The following CALCOCO2 variants were observed in gnomAD, a reference collection of about 807,000 sequenced individuals.
The protein encoded by CALCOCO2 is calcium-binding and coiled-coil domain-containing protein 2.
Under a neutral mutation model 62.5 loss-of-function variants are expected in CALCOCO2, and 42 were observed. That is an observed-to-expected ratio of 0.67 (90% confidence interval 0.53 to 0.87). CALCOCO2 has a LOEUF of 0.87. Among genes scored for constraint, CALCOCO2 ranks in the 40% least tolerant of loss-of-function variants. The pLI, the probability that CALCOCO2 is intolerant of heterozygous loss-of-function variation, is 0.00. For synonymous variants in CALCOCO2, 167 were observed against 173.0 expected (o/e 0.97, Z 0.27); for missense variants, 456 against 515.0 (o/e 0.89, Z 1.11).
At chr17:48,862,739 C>G in intron 12 of CALCOCO2, 99 bp from the exon 13 acceptor site, 1 of 922,132 alleles carries the variant, frequency 1.1e-6, no homozygotes, top group South Asian at 1.4e-5. Flanking sequence ...ATGTGCCAGT[C>G]ATTATGCTAG....
chr17:48,837,664 A>T (rs1342568277), intron 1 of CALCOCO2, among the ~76,000 whole-genome samples: 1 of 152,126 alleles, frequency 6.6e-6, no homozygotes, highest in African/African-American at 2.4e-5. Context: ...AAATGGAAAG[A>T]AAAACTTTTG....
intron 2 of CALCOCO2, 43 bp from the exon 3 acceptor site, chr17:48,848,021 A>G (rs1463499466): frequency 9.2e-7 from 1 of 1,092,182 alleles, no homozygotes; most frequent in Non-Finnish European, 1.4e-6. Flanking sequence ...GATTTTCCCC[A>G]GTCCCCTTTC....
In CALCOCO2 at chr17:48,858,000, AAT is replaced by A. The variant is rs1567759109; in HGVS notation, c.1008+1815_1008+1816del. 1.3e-4 allele frequency among the ~76,000 whole-genome samples: 3 copies of A among 22,318 alleles called. No individual in the cohort carries two copies. In the South Asian group the frequency reaches 0.011, roughly 85 times the overall value. 14.6% of individuals were successfully genotyped at this position (22,318 alleles called of 152,430 possible). A position where few individuals can be genotyped will look rare whatever the true frequency, so the allele number is the denominator to read the frequency against. On this transcript the variant is annotated intron_variant, in intron 10 of 12. Coordinates refer to ENST00000258947, the MANE Select transcript of CALCOCO2 (RefSeq NM_005831.5). Reference sequence around the variant, plus strand: ...AATAGAATAGAATAGAATAGAATAGAATAGAATAGAATAGAATAGAATAGAAT... The same window carrying A: ...AATAGAATAGAATAGAATAGAATAGAAGAATAGAATAGAATAGAATAGAAT...
At chr17:48,851,237 T>TTAATATTTGAAATCAGATCATTTTTCCTG in intron 6 of CALCOCO2, 60 bp downstream of exon 6, 1 of 916,200 alleles carries the variant, frequency 1.1e-6, no homozygotes, top group Non-Finnish European at 1.8e-6. Flanking sequence ...TACCCTTAAG[T>TTAATATTTGAAATCAGATCATTTTTCCTG]ACAGTCAGAT....
rs377343129 is a variant in CALCOCO2, at chr17:48,860,406, C to G, written c.1101C>G (p.Gly367=). The change falls in exon 11 of 13, where the codon GGC becomes GGG. Residue 367 remains glycine, a synonymous_variant. Transcript: ENST00000258947. ...PYQVPTSDEG[G]ARQNPGLAYG... is the part of the protein sequence containing the mutation. ...AAGTACCTACTTCAGATGAAGGAGG[C>G]GCAAGACAAAATCCAGGACTTGCCT... 1.2e-6 allele frequency: 2 copies of G among 1,613,576 alleles called. No individual in the cohort carries two copies. The highest frequency in any genetic ancestry group is 8.5e-7 in the Non-Finnish European group (1 of 1,179,640).
chr17:48,851,097 A>T lies in CALCOCO2; in HGVS notation c.552A>T (p.Leu184=). The stretch of plus-strand genomic sequence containing the variant: ...GTTGTTTCAATCTATAGGAGGAGCT[A>T]GAAACCCTACAGAGCATCAATAAGA... ...QAELQKKQEE[L]ETLQSINKKL... The change falls in exon 6 of 13, where the codon CTA becomes CTT. Residue 184 remains leucine, a synonymous_variant. Coordinates refer to ENST00000258947, the MANE Select transcript of CALCOCO2 (RefSeq NM_005831.5). 1 of 1,592,078 alleles carries T rather than the reference A, an allele frequency of 6.3e-7. No individual in the cohort carries two copies. The highest frequency in any genetic ancestry group is 8.6e-7 in the Non-Finnish European group (1 of 1,159,920).
chr17:48,851,690 G>A (rs2040132094), intron 7 of CALCOCO2, 62 bp downstream of exon 7: 1 of 960,526 alleles, frequency 1.0e-6, no homozygotes, highest in Non-Finnish European at 1.7e-6. Context: ...CTCCAATTTG[G>A]TGGCCTAGAA....
intron 10 of CALCOCO2, among the ~76,000 whole-genome samples, chr17:48,857,032 G>C (rs2040226532): frequency 6.6e-6 from 1 of 151,692 alleles, no homozygotes. Flanking sequence ...AAACTCCTGG[G>C]CTCAAGCAAT....
At chr17:48,840,242 A>T (rs576135953) in intron 1 of CALCOCO2, among the ~76,000 whole-genome samples, 2 of 151,632 alleles carry the variant, frequency 1.3e-5, no homozygotes, top group African/African-American at 4.8e-5. Flanking sequence ...CCATCTTCCC[A>T]TCTCAGCTTC....
At chr17:48,857,991 A>G (rs1243867839) in intron 10 of CALCOCO2, among the ~76,000 whole-genome samples, 2 of 18,786 alleles carry the variant, frequency 1.1e-4, no homozygotes, top group Non-Finnish European at 2.7e-4. Flanking sequence ...ATAGAATAGA[A>G]TAGAATAGAA....
Position 48,833,895 on chromosome 17 carries a change from G to A in CALCOCO2, c.-11+2817G>A, listed in dbSNP as rs148324472. 5.6e-3 allele frequency among the ~76,000 whole-genome samples: 852 copies of A among 152,112 alleles called. 6 individuals are homozygous for A. The highest frequency in any genetic ancestry group is 0.02 in the African/African-American group (819 of 41,484). ...TGTAATCCCAGCACTTTGGGAGGCC[G>A]AGGCAGATGGATCGCCTGAGTCCAG... On this transcript the variant is annotated intron_variant, in intron 1 of 12. Transcript: ENST00000258947.
chr17:48,851,115 C>A lies in CALCOCO2; in HGVS notation c.570C>A (p.Ile190=). The change falls in exon 6 of 13, where the codon ATC becomes ATA. Residue 190 remains isoleucine (I), a synonymous_variant. Coordinates refer to ENST00000258947, the MANE Select transcript of CALCOCO2 (RefSeq NM_005831.5). ...AGGAGCTAGAAACCCTACAGAGCAT[C>A]AATAAGAAGTTGGAACTGAAAGTGA... The part of the protein sequence containing the change: ...KQEELETLQS[I]NKKLELKVKE... 6.2e-7 allele frequency: 1 copy of A among 1,608,242 alleles called. No individual in the cohort carries two copies. Among genetic ancestry groups the A allele is most frequent in the South Asian group, 1.1e-5 (1 of 90,948 alleles).
At position 48,858,046 on chromosome 17, in the gene CALCOCO2, A is replaced by AATAGAATAGAATAGAATAGAATAGAATAG. The variant is rs1555573800; in HGVS notation, c.1008+1860_1008+1861insTAGAATAGAATAGAATAGAATAGAATAGA. 3.4e-3 allele frequency among the ~76,000 whole-genome samples: 138 copies of AATAGAATAGAATAGAATAGAATAGAATAG among 40,054 alleles called. 23 individuals are homozygous for AATAGAATAGAATAGAATAGAATAGAATAG. The highest frequency in any genetic ancestry group is 0.024 in the Middle Eastern group (2 of 82). 26.3% of individuals were successfully genotyped at this position (40,054 alleles called of 152,430 possible). On this transcript the variant is annotated intron_variant, in intron 10 of 12. Transcript: ENST00000258947. Reference sequence around the variant, plus strand: ...ATAGAATAGAATAGAATAGAATAGAAAATAGAATAGAATAGAATAGAATAG... The same window carrying AATAGAATAGAATAGAATAGAATAGAATAG: ...ATAGAATAGAATAGAATAGAATAGAAATAGAATAGAATAGAATAGAATAGAATAGAATAGAATAGAATAGAATAGAATAG...
At chr17:48,853,627 A>T (rs775383342) in intron 9 of CALCOCO2, among the ~76,000 whole-genome samples, 8 of 152,234 alleles carry the variant, frequency 5.3e-5, no homozygotes, top group Non-Finnish European at 1.0e-4. Flanking sequence ...ACCATTGAGT[A>T]CCTACTGTAT....
In CALCOCO2 at chr17:48,863,612, A is replaced by G. The variant is rs1404123270; in HGVS notation, c.*607A>G. The G allele has an allele frequency of 1.3e-5, 2 of 154,512 alleles. No individual in the cohort carries two copies. The highest frequency in any genetic ancestry group is 4.8e-5 in the African/African-American group (2 of 41,456). The allele number at this position is 154,512 out of a possible 1,614,324, so 9.6% of individuals were successfully genotyped here. A position where few individuals can be genotyped will look rare whatever the true frequency, so the allele number is the denominator to read the frequency against. ...TTAGACAGGAAGTATTGTTTCAGTC[A>G]CAGAAAGCTTTTCTGGGTACCTCTG... On this transcript the variant is annotated 3_prime_UTR_variant, in exon 13 of 13. Transcript: ENST00000258947.
At chr17:48,857,999 G>GAATAC (rs1393205818) in intron 10 of CALCOCO2, among the ~76,000 whole-genome samples, 1 of 19,794 alleles carries the variant, frequency 5.1e-5, no homozygotes, top group South Asian at 4.2e-3. Context: ...GAATAGAATA[G>GAATAC]AATAGAATAG....
rs146520211 is a variant in CALCOCO2, at chr17:48,851,677, C to A, written c.702+49C>A. On this transcript the variant is annotated intron_variant, in intron 7 of 12. Transcript: ENST00000258947. Reference sequence around the variant, plus strand: ...AAAGGATATTTTCTTAGCCTTACCACTGCTCCAATTTGGTGGCCTAGAAAG... The same window carrying A: ...AAAGGATATTTTCTTAGCCTTACCAATGCTCCAATTTGGTGGCCTAGAAAG... 6,868 of 1,071,412 alleles carry A rather than the reference C, an allele frequency of 6.4e-3. 301 individuals are homozygous for A. In the Admixed American group the frequency reaches 0.087, roughly 14 times the overall value. 66.4% of individuals were successfully genotyped at this position (1,071,412 alleles called of 1,614,324 possible).
chr17:48,863,045 A>C lies in CALCOCO2; in HGVS notation c.*40A>C. 1 of 1,395,872 alleles carries C rather than the reference A, an allele frequency of 7.2e-7. No homozygotes were observed. The highest frequency in any genetic ancestry group is 1.0e-6 in the Non-Finnish European group (1 of 981,290). 86.5% of individuals were successfully genotyped at this position (1,395,872 alleles called of 1,614,324 possible). A position where few individuals can be genotyped will look rare whatever the true frequency, so the allele number is the denominator to read the frequency against. ...TGGATGTATACAGAGATTTTATAGAATAGAACCTATAGCTTCTACCATGAG... is the reference window on the plus strand; with the variant it reads ...TGGATGTATACAGAGATTTTATAGACTAGAACCTATAGCTTCTACCATGAG... On this transcript the variant is annotated 3_prime_UTR_variant, in exon 13 of 13. Coordinates refer to ENST00000258947, the MANE Select transcript of CALCOCO2 (RefSeq NM_005831.5).
intron 8 of CALCOCO2, 32 bp downstream of exon 8, chr17:48,852,660 G>T: frequency 1.9e-6 from 3 of 1,592,928 alleles, no homozygotes; most frequent in Non-Finnish European, 2.6e-6. Flanking sequence ...ACACTTTTAG[G>T]CATTTGCAAG....
Sources: gnomAD v4.1 joint callset for allele counts (sites outside exome capture counted in the v4.1 genomes callset) on GRCh38, gnomAD v4.1.1 for gene constraint, MANE v1.5 for transcripts, NCBI Gene and HGNC (gene_info 2026-07-23, HGNC 2026-07-21) for gene names.